GAB1: variants seen among roughly 807,000 people sequenced by gnomAD.
The protein encoded by GAB1 is GRB2-associated-binding protein 1.
In GAB1, 19 loss-of-function variants were observed where a neutral mutation model predicts 66.5. The ratio of observed to expected loss-of-function variants is 0.29; its 90% CI spans 0.20 to 0.42. The LOEUF (loss-of-function observed/expected upper bound fraction) is 0.42, where lower values mean the gene tolerates loss of function less well. Ranked by LOEUF, GAB1 falls within the 10% of genes least tolerant of loss-of-function variation. The probability of loss-of-function intolerance (pLI) is 1.00; values close to 1 mark genes in which losing one functional copy is unlikely to be tolerated. For missense variants in GAB1, 732 were observed against 858.5 expected (o/e 0.85, Z 1.84); for synonymous variants, 294 against 301.4 (o/e 0.98, Z 0.25).
intron 1 of GAB1, among the ~76,000 whole-genome samples, chr4:143,409,489 A>G (rs1345246874): frequency 6.6e-6 from 1 of 151,096 alleles, no homozygotes; most frequent in Non-Finnish European, 1.5e-5. Flanking sequence ...CTTACAATGC[A>G]TGAAGTGCTG....
intron 2 of GAB1, chr4:143,425,463 G>A (rs750398601): frequency 1.2e-4 from 95 of 760,380 alleles, no homozygotes; most frequent in Non-Finnish European, 2.1e-4. Context: ...GGCATCTTAT[G>A]TTAACCTACC....
At chr4:143,424,047 A>G (rs1733196162) in intron 2 of GAB1, among the ~76,000 whole-genome samples, 1 of 151,842 alleles carries the variant, frequency 6.6e-6, no homozygotes, top group Non-Finnish European at 1.5e-5. Context: ...TTGCCTGGCT[A>G]GGTGATTTTC....
intron 2 of GAB1, among the ~76,000 whole-genome samples, chr4:143,431,122 C>G (rs900401098): frequency 2.0e-5 from 3 of 152,144 alleles, no homozygotes; most frequent in African/African-American, 7.2e-5. Flanking sequence ...GCTACACAGA[C>G]AGGCAGAAGA....
At chr4:143,450,178 T>A (rs562287128) in intron 6 of GAB1, among the ~76,000 whole-genome samples, 1 of 152,316 alleles carries the variant, frequency 6.6e-6, no homozygotes, top group South Asian at 2.1e-4. Flanking sequence ...GACTTCAAAG[T>A]ATAATTATCA....
At position 143,385,116 on chromosome 4, in the gene GAB1, C is replaced by T. The variant is rs574963402; in HGVS notation, c.73-30361C>T. On this transcript the variant is annotated intron_variant, in intron 1 of 9. Coordinates refer to ENST00000262994, the MANE Select transcript of GAB1 (RefSeq NM_002039.4). Reference sequence around the variant, plus strand: ...ATATATCAGCATAGCTACTTAGGAGCAGTATCACTTTGGGCATATTTCTTA... The same window carrying T: ...ATATATCAGCATAGCTACTTAGGAGTAGTATCACTTTGGGCATATTTCTTA... Among the ~76,000 whole-genome samples the T allele has an allele frequency of 3.9e-5, 6 of 152,256 alleles. No individual in the cohort carries two copies. In the South Asian group the frequency reaches 1.2e-3, roughly 32 times the overall value.
rs187662748 is a variant in GAB1 at position 143,440,504 on chromosome 4, C to T, written c.1585+122C>T. The T allele has an allele frequency of 8.8e-5, 83 of 938,656 alleles. No homozygotes were observed. In the African/African-American group the frequency reaches 1.2e-3, roughly 13 times the overall value. 58.1% of individuals were successfully genotyped at this position (938,656 alleles called of 1,614,324 possible). Reference sequence around the variant, plus strand: ...TCTGAAATATTTCATAGTTCCATAGCCATCAAGTTATTTAAGCAAAGCAGT... The same window carrying T: ...TCTGAAATATTTCATAGTTCCATAGTCATCAAGTTATTTAAGCAAAGCAGT... On this transcript the variant is annotated intron_variant, in intron 6 of 9. Coordinates refer to ENST00000262994, the MANE Select transcript of GAB1 (RefSeq NM_002039.4).
chr4:143,460,573 C>T lies in GAB1; in HGVS notation c.1803+86C>T, dbSNP rs180887140. 751 of 1,233,164 alleles carry T rather than the reference C, an allele frequency of 6.1e-4. 3 individuals are homozygous for T. Among genetic ancestry groups the T allele is most frequent in the South Asian group, 1.1e-3 (72 of 63,134 alleles). 76.4% of individuals were successfully genotyped at this position (1,233,164 alleles called of 1,614,324 possible). ...CTGTTCTGTCTATAAATTTTATCCT[C>T]GTATCTTTATATACTTAAGAAAAAG... On this transcript the variant is annotated intron_variant, in intron 8 of 9. Coordinates refer to ENST00000262994, the MANE Select transcript of GAB1 (RefSeq NM_002039.4).
At chr4:143,357,447 T>C (rs1729492392) in intron 1 of GAB1, among the ~76,000 whole-genome samples, 1 of 152,114 alleles carries the variant, frequency 6.6e-6, no homozygotes, top group African/African-American at 2.4e-5. Context: ...GTTTTAAGGG[T>C]GAGAACATGA....
In GAB1 at chr4:143,470,650, C is replaced by G. The variant is rs537307748; in HGVS notation, c.*1461C>G. The G allele has an allele frequency of 2.0e-5, 3 of 152,302 alleles. No individual in the cohort carries two copies. The highest frequency in any genetic ancestry group is 4.1e-4 in the South Asian group (2 of 4,826). 9.4% of individuals were successfully genotyped at this position (152,302 alleles called of 1,614,324 possible). A position where few individuals can be genotyped will look rare whatever the true frequency, so the allele number is the denominator to read the frequency against. ...TTTTTAACCAAGTTACATACAATCT[C>G]ATGTACTGATTTGAGACTTATAACA... On this transcript the variant is annotated 3_prime_UTR_variant, in exon 10 of 10. Coordinates refer to ENST00000262994, the MANE Select transcript of GAB1 (RefSeq NM_002039.4).
At chr4:143,341,646 T>C (rs1728826599) in intron 1 of GAB1, among the ~76,000 whole-genome samples, 1 of 152,222 alleles carries the variant, frequency 6.6e-6, no homozygotes, top group African/African-American at 2.4e-5. Context: ...CTCTGTCTGC[T>C]CTGCAGCTGT....
At chr4:143,451,571 A>G (rs955870620) in intron 6 of GAB1, among the ~76,000 whole-genome samples, 6 of 152,194 alleles carry the variant, frequency 3.9e-5, no homozygotes, top group African/African-American at 2.4e-5. Flanking sequence ...CATAATCAGA[A>G]TGGCTCTAGA....
chr4:143,342,469 T>TAG (rs1233223104), intron 1 of GAB1, among the ~76,000 whole-genome samples: 1 of 151,968 alleles, frequency 6.6e-6, no homozygotes, highest in Admixed American at 6.6e-5. Flanking sequence ...TCCCATATTT[T>TAG]AGACTTAACA....
chr4:143,354,068 G>C (rs897747113), intron 1 of GAB1, among the ~76,000 whole-genome samples: 1 of 152,186 alleles, frequency 6.6e-6, no homozygotes, highest in Non-Finnish European at 1.5e-5. Context: ...GGTTGTTGCT[G>C]TATGCTGGTG....
chr4:143,360,450 G>A (rs1581225685), intron 1 of GAB1, among the ~76,000 whole-genome samples: 1 of 152,216 alleles, frequency 6.6e-6, no homozygotes, highest in East Asian at 1.9e-4. Context: ...TTAACTGTTA[G>A]ATTTTATAAT....
Position 143,438,004 on chromosome 4 carries a change from A to G in GAB1, c.599A>G (p.His200Arg). Residue 200 changes from histidine (H) to arginine (R), a missense_variant, in exon 4 of 10, where the codon CAT becomes CGT. By Grantham distance (29) the His-to-Arg change is conservative. Around this residue, in one of 4 missense-constraint regions of GAB1, gnomAD observed 427 missense variants for 420.6 expected, o/e 1.02. Transcript: ENST00000262994. Reference protein sequence around the residue: ...QSKKPEPTRTHADSAKSTSSE... With the variant: ...QSKKPEPTRTRADSAKSTSSE... ...CATTAACAATTTTTATTTAGAACGC[A>G]TGCTGATTCTGCAAAATCCACCTCT... 1 of 1,610,868 alleles carries G rather than the reference A, an allele frequency of 6.2e-7. No individual in the cohort carries two copies. Among genetic ancestry groups the G allele is most frequent in the Non-Finnish European group, 8.5e-7 (1 of 1,177,960 alleles).
intron 1 of GAB1, among the ~76,000 whole-genome samples, chr4:143,398,653 AG>A (rs999362246): frequency 1.3e-5 from 2 of 151,874 alleles, no homozygotes; most frequent in Non-Finnish European, 2.9e-5. Context: ...TAATCATGGT[AG>A]GGGGTAGGTG....
chr4:143,446,646 C>T (rs1267763395), intron 6 of GAB1, among the ~76,000 whole-genome samples: 56 of 150,704 alleles, frequency 3.7e-4, no homozygotes, highest in Admixed American at 5.3e-4. Flanking sequence ...GGGTTGTTTG[C>T]TTCTTTCTTG....
chr4:143,350,467 C>T (rs1442528505), intron 1 of GAB1, among the ~76,000 whole-genome samples: 2 of 151,946 alleles, frequency 1.3e-5, no homozygotes, highest in Admixed American at 1.3e-4. Flanking sequence ...CACCTGAGTT[C>T]GGGAGACAGA....
rs761299664 is a variant in GAB1, at chr4:143,433,587, C to T, written c.464C>T (p.Ser155Phe). The change falls in exon 3 of 10, where the codon TCT becomes TTT. Residue 155 changes from serine (S) to phenylalanine (F), a missense_variant. By Grantham distance (155) the Ser-to-Phe change is radical. Around this residue, in one of 4 missense-constraint regions of GAB1, gnomAD observed 427 missense variants for 420.6 expected, o/e 1.02. Transcript: ENST00000262994. ...CCATCCACCCAGGCAGATTCATCCT[C>T]TGCTACTCTACCTCCTCCATATCAG... ...APPSTQADSS[S>F]ATLPPPYQLI... The T allele has an allele frequency of 1.2e-6, 2 of 1,613,856 alleles. No individual in the cohort carries two copies. Among genetic ancestry groups the T allele is most frequent in the East Asian group, 4.5e-5 (2 of 44,888 alleles).
Sources: gnomAD v4.1 joint callset for allele counts (sites outside exome capture counted in the v4.1 genomes callset) on GRCh38, gnomAD v4.1.1 for gene constraint, gnomAD v4.1.1 regional missense constraint, MANE v1.5 for transcripts, NCBI Gene and HGNC (gene_info 2026-07-23, HGNC 2026-07-21) for gene names.